Variants in TRIM16 observed in about 807,000 individuals in gnomAD.
The protein encoded by TRIM16 is tripartite motif containing 16, also known as tripartite motif-containing protein 16.
TRIM16 carries 33 observed loss-of-function variants against 50.4 expected under a neutral mutation model. The ratio of observed to expected loss-of-function variants is 0.65; its 90% confidence interval spans 0.50 to 0.88. The LOEUF is 0.88. Among genes scored for constraint, TRIM16 ranks in the 40% least tolerant of loss-of-function variants. TRIM16 has a pLI of 0.00. For missense variants in TRIM16, 581 were observed against 686.8 expected (o/e 0.85, Z 1.72); for synonymous variants, 229 against 270.7 (o/e 0.85, Z 1.51).
chr17:15,666,938 G>A (rs1428127712), intron 6 of TRIM16, among the ~76,000 whole-genome samples: 1 of 152,242 alleles, frequency 6.6e-6, no homozygotes, highest in African/African-American at 2.4e-5. Context: ...GTGTAAGAAA[G>A]TCTTGTTTTT....
At chr17:15,667,022 G>A (rs904960537) in intron 6 of TRIM16, among the ~76,000 whole-genome samples, 11 of 152,284 alleles carry the variant, frequency 7.2e-5, no homozygotes, top group Admixed American at 2.0e-4. Flanking sequence ...AATGGGATAA[G>A]TCTAAAAGCA....
rs1480925493 is a variant in TRIM16, at chr17:15,683,162, GGT to G, written c.-898-7_-898-6del. 2.6e-6 allele frequency: 4 copies of G among 1,534,158 alleles called. No individual in the cohort carries two copies. The African/African-American group carries it at 5.5e-5, about 21-fold the overall frequency. On this transcript the variant is annotated splice_region_variant and splice_polypyrimidine_tract_variant and intron_variant, in intron 1 of 11. Coordinates refer to ENST00000649191, the MANE Select transcript of TRIM16 (RefSeq NM_001348119.1). ...TTGCCAGCATTCTACCAGAAACTGT[GGT>G]AAGAGGTTCTGGATTGAAGTTTTCC...
In TRIM16 at chr17:15,651,094, C is replaced by T; in HGVS notation, c.516G>A (p.Lys172=). ...IVSLDAARRD[K]EAELQCTQLD... The stretch of plus-strand genomic sequence containing the variant: ...TGAATGGTCCCCAAGCACTCACCTC[C>T]TTGTCCCTGCGGGCTGCATCCAGGG... Residue 172 remains lysine (K), a synonymous_variant, in exon 7 of 12, where the codon AAG becomes AAA. Coordinates refer to ENST00000649191, the MANE Select transcript of TRIM16 (RefSeq NM_001348119.1). 1 of 1,606,008 alleles carries T rather than the reference C, an allele frequency of 6.2e-7. No homozygotes were observed. The highest frequency in any genetic ancestry group is 8.5e-7 in the Non-Finnish European group (1 of 1,175,436).
chr17:15,652,373 C>T (rs1378738485), intron 6 of TRIM16, among the ~76,000 whole-genome samples: 1 of 144,238 alleles, frequency 6.9e-6, no homozygotes, highest in African/African-American at 2.6e-5. Flanking sequence ...CTTGGCCAGG[C>T]TGGTCTTGAA....
chr17:15,634,268 T>G (rs141336554), intron 9 of TRIM16, among the ~76,000 whole-genome samples: 7 of 133,650 alleles, frequency 5.2e-5, no homozygotes, highest in Non-Finnish European at 8.1e-5. Flanking sequence ...GGTGGAGCTT[T>G]CAGTGAGCCA....
chr17:15,682,039 AT>A (rs1989204892), intron 3 of TRIM16, among the ~76,000 whole-genome samples: 1 of 151,648 alleles, frequency 6.6e-6, no homozygotes, highest in African/African-American at 2.4e-5. Flanking sequence ...TCTGGGCTTC[AT>A]TTCCTAATTT....
At chr17:15,653,721 C>T (rs559560918) in intron 6 of TRIM16, among the ~76,000 whole-genome samples, 129 of 152,268 alleles carry the variant, frequency 8.5e-4, no homozygotes, top group Middle Eastern at 3.4e-3. Context: ...TCAACATACA[C>T]ATTTGTAGGG....
Position 15,632,741 on chromosome 17 carries a change from A to G in TRIM16, c.850-67T>C, listed in dbSNP as rs1277060659. The G allele has an allele frequency of 4.8e-6, 7 of 1,456,516 alleles. No homozygotes were observed. In the East Asian group the frequency reaches 1.2e-4, roughly 24 times the overall value. The allele number at this position is 1,456,516 out of a possible 1,614,324, so 90.2% of individuals were successfully genotyped here. On this transcript the variant is annotated intron_variant, in intron 9 of 11. Coordinates refer to ENST00000649191, the MANE Select transcript of TRIM16 (RefSeq NM_001348119.1). ...TTTCTAAACTCGGGCTTCTCTCCTC[A>G]TTAAGTCACTTTTTGCATCTGTAAA...
Position 15,682,835 on chromosome 17 carries a change from CCAT to C in TRIM16, c.-679+16_-679+18del. 7.1e-7 allele frequency: 1 copy of C among 1,412,782 alleles called. No individual in the cohort carries two copies. Among genetic ancestry groups the C allele is most frequent in the South Asian group, 1.6e-5 (1 of 62,036 alleles). The allele number at this position is 1,412,782 out of a possible 1,614,324, so 87.5% of individuals were successfully genotyped here. ...AAAGGGAATATTAGTAAAATCACCA[CCAT>C]TCTTCGCACACTCACCACGCACCAG... On this transcript the variant is annotated intron_variant, in intron 3 of 11. Coordinates refer to ENST00000649191, the MANE Select transcript of TRIM16 (RefSeq NM_001348119.1).
chr17:15,677,388 T>C (rs1988995036), intron 5 of TRIM16, 108 bp from the exon 6 acceptor site: 15 of 915,120 alleles, frequency 1.6e-5, no homozygotes, highest in Non-Finnish European at 1.8e-5. Flanking sequence ...AAATAACTAA[T>C]TGTCAAAAGC....
intron 8 of TRIM16, among the ~76,000 whole-genome samples, chr17:15,638,995 T>C (rs1308417230): frequency 6.8e-6 from 1 of 146,634 alleles, no homozygotes; most frequent in African/African-American, 2.5e-5. Flanking sequence ...GTATCCCTAC[T>C]GGAGGGGGAT....
chr17:15,681,596 G>A (rs1989185975), intron 3 of TRIM16, among the ~76,000 whole-genome samples: 1 of 152,060 alleles, frequency 6.6e-6, no homozygotes, highest in South Asian at 2.1e-4. Flanking sequence ...AAATTCCCTT[G>A]GTCTGAATTC....
intron 4 of TRIM16, among the ~76,000 whole-genome samples, chr17:15,679,924 G>A (rs9912670): frequency 0.03 from 4,171 of 137,926 alleles, 202 homozygotes; most frequent in African/African-American, 0.11. Context: ...GCGAGAGAGC[G>A]AGACTATGTC....
chr17:15,639,541 C>T (rs1364973750), intron 8 of TRIM16, among the ~76,000 whole-genome samples: 2 of 148,460 alleles, frequency 1.3e-5, no homozygotes, highest in Non-Finnish European at 3.0e-5. Flanking sequence ...TGTTGAGAAG[C>T]CAGGGCAGCA....
chr17:15,650,228 T>A (rs186024418), intron 7 of TRIM16, among the ~76,000 whole-genome samples: 5 of 152,312 alleles, frequency 3.3e-5, no homozygotes, highest in African/African-American at 1.2e-4. Flanking sequence ...AACAGGGAAC[T>A]TCCTTGATGA....
chr17:15,665,473 C>G (rs1988457323), intron 6 of TRIM16, among the ~76,000 whole-genome samples: 1 of 152,150 alleles, frequency 6.6e-6, no homozygotes, highest in African/African-American at 2.4e-5. Flanking sequence ...GGTGCCACTG[C>G]ACTCCAGCCT....
In TRIM16 at chr17:15,652,455, CTTT is replaced by C. The variant is rs34158100; in HGVS notation, c.-337-512_-337-510del. On this transcript the variant is annotated intron_variant, in intron 6 of 11. Coordinates refer to ENST00000649191, the MANE Select transcript of TRIM16 (RefSeq NM_001348119.1). ...ATTACAGGTGAGCCACGGTGCCCAC[CTTT>C]TTTTTTTTTTTTTTTTTTTTTTTGA... Among the ~76,000 whole-genome samples, 533 of 65,272 alleles carry C rather than the reference CTTT, an allele frequency of 8.2e-3. 2 individuals carry two copies. Among genetic ancestry groups the C allele is most frequent in the African/African-American group, 0.047 (517 of 10,964 alleles). 42.8% of individuals were successfully genotyped at this position (65,272 alleles called of 152,430 possible).
At chr17:15,678,310 C>T (rs1989035000) in intron 4 of TRIM16, among the ~76,000 whole-genome samples, 2 of 152,044 alleles carry the variant, frequency 1.3e-5, no homozygotes, top group Non-Finnish European at 2.9e-5. Flanking sequence ...ATAGCAAAAT[C>T]GTTCTAAATA....
In TRIM16 at chr17:15,683,079, C is replaced by T. The variant is rs1464366527; in HGVS notation, c.-820G>A. On this transcript the variant is annotated 5_prime_UTR_variant, in exon 2 of 12. Coordinates refer to ENST00000649191, the MANE Select transcript of TRIM16 (RefSeq NM_001348119.1). Reference sequence around the variant, plus strand: ...AGGTCCAATCCTCCATAATCATAGCCTTTGCTTCACTATTTGGGTGTAGCA... The same window carrying T: ...AGGTCCAATCCTCCATAATCATAGCTTTTGCTTCACTATTTGGGTGTAGCA... The T allele has an allele frequency of 4.5e-6, 7 of 1,550,496 alleles. No individual in the cohort carries two copies. In the Admixed American group the frequency reaches 7.8e-5, roughly 17 times the overall value.
Sources: gnomAD v4.1 joint callset for allele counts (sites outside exome capture counted in the v4.1 genomes callset) on GRCh38, gnomAD v4.1.1 for gene constraint, MANE v1.5 for transcripts, NCBI Gene and HGNC (gene_info 2026-07-23, HGNC 2026-07-21) for gene names.